METTL9: variants seen among roughly 807,000 people sequenced by gnomAD.
METTL9 encodes the protein methyltransferase 9, His-X-His N1(pi)-histidine.
In METTL9, 10 loss-of-function variants were observed where a neutral mutation model predicts 36.0. That is an observed-to-expected ratio of 0.28 (90% confidence interval 0.17 to 0.47). The LOEUF (loss-of-function observed/expected upper bound fraction) is 0.47. Among genes scored for constraint, METTL9 ranks in the 20% least tolerant of loss-of-function variants. The pLI is 0.99. For synonymous variants in METTL9, 175 were observed against 149.7 expected (o/e 1.17, Z -1.23); for missense variants, 246 against 383.5 (o/e 0.64, Z 3.00).
At chr16:21,604,169 A>G (rs1965213809) in intron 1 of METTL9, among the ~76,000 whole-genome samples, 1 of 152,180 alleles carries the variant, frequency 6.6e-6, no homozygotes, top group African/African-American at 2.4e-5. Context: ...ACTGCCTTCG[A>G]GAGTCTGGAG....
chr16:21,624,729 A>C (rs1049190726), intron 3 of METTL9, among the ~76,000 whole-genome samples: 1 of 151,914 alleles, frequency 6.6e-6, no homozygotes, highest in African/African-American at 2.4e-5. Flanking sequence ...TGTGTCTCAA[A>C]AAAGAAAAAA....
chr16:21,604,587 G>C (rs1965222995), intron 1 of METTL9, among the ~76,000 whole-genome samples: 1 of 152,158 alleles, frequency 6.6e-6, no homozygotes, highest in South Asian at 2.1e-4. Context: ...TTATTGGGTT[G>C]AGTTTATATT....
intron 4 of METTL9, among the ~76,000 whole-genome samples, chr16:21,628,077 T>C (rs1226115881): frequency 6.6e-6 from 1 of 152,244 alleles, no homozygotes; most frequent in African/African-American, 2.4e-5. Context: ...TTAAAAAAAT[T>C]ATACAGGCAG....
intron 4 of METTL9, among the ~76,000 whole-genome samples, chr16:21,632,894 G>C (rs893003632): frequency 4.6e-5 from 7 of 152,164 alleles, no homozygotes; most frequent in Admixed American, 6.5e-5. Context: ...TGCTCTCTCT[G>C]TGATGTATAA....
chr16:21,644,251 A>G, intron 4 of METTL9: 1 of 1,338,570 alleles, frequency 7.5e-7, no homozygotes, highest in Non-Finnish European at 1.1e-6. Flanking sequence ...ATAATATTCA[A>G]GGATATAGGG....
chr16:21,642,163 A>T (rs1966288938), intron 4 of METTL9: 1 of 152,194 alleles, frequency 6.6e-6, no homozygotes, highest in African/African-American at 2.4e-5. Flanking sequence ...ATATTTTTTT[A>T]AAAAGAAAAC....
At chr16:21,625,786 G>T (rs901898054) in intron 4 of METTL9, among the ~76,000 whole-genome samples, 1 of 151,986 alleles carries the variant, frequency 6.6e-6, no homozygotes, top group African/African-American at 2.4e-5. Context: ...TGCATTTTAG[G>T]TCATCTTGAA....
In METTL9 at chr16:21,655,510, G is replaced by T. The variant is rs917418935; in HGVS notation, c.*78G>T. The T allele has an allele frequency of 3.2e-6, 4 of 1,239,938 alleles. No individual in the cohort carries two copies. In the Middle Eastern group the frequency reaches 7.2e-4, roughly 223 times the overall value. The allele number at this position is 1,239,938 out of a possible 1,614,324, so 76.8% of individuals were successfully genotyped here. Reference sequence around the variant, plus strand: ...GAAGAGGGTCTGTGTTCACAATTACGTGAAGGGAGGACCCTTGGGGACCGC... The same window carrying T: ...GAAGAGGGTCTGTGTTCACAATTACTTGAAGGGAGGACCCTTGGGGACCGC... On this transcript the variant is annotated 3_prime_UTR_variant, in exon 5 of 5. Coordinates refer to ENST00000358154, the MANE Select transcript of METTL9 (RefSeq NM_016025.5).
At chr16:21,617,553 C>A (rs1195559069) in intron 2 of METTL9, among the ~76,000 whole-genome samples, 3 of 151,698 alleles carry the variant, frequency 2.0e-5, no homozygotes, top group African/African-American at 7.3e-5. Flanking sequence ...CATGGTGAAA[C>A]CCTGTCTCCA....
chr16:21,622,852 T>A (rs892499480), intron 3 of METTL9, among the ~76,000 whole-genome samples: 1 of 152,236 alleles, frequency 6.6e-6, no homozygotes. Context: ...AACATGCTGA[T>A]GATGTTTGGC....
At chr16:21,620,512 C>A (rs1295305389) in intron 3 of METTL9, among the ~76,000 whole-genome samples, 2 of 152,154 alleles carry the variant, frequency 1.3e-5, no homozygotes, top group African/African-American at 4.8e-5. Context: ...GATTGACCGC[C>A]CCAGCCTTCT....
At chr16:21,652,641 A>T (rs1303074540) in intron 4 of METTL9, 1 of 1,512,190 alleles carries the variant, frequency 6.6e-7, no homozygotes, top group African/African-American at 1.4e-5. Flanking sequence ...ATTTGAAAGG[A>T]AAGTTGGCTT....
intron 4 of METTL9, 97 bp downstream of exon 4, chr16:21,625,212 C>A: frequency 7.6e-7 from 1 of 1,315,714 alleles, no homozygotes; most frequent in Non-Finnish European, 1.1e-6. Flanking sequence ...TCTAGTATGT[C>A]TTATAATAGC....
upstream of METTL9, among the ~76,000 whole-genome samples, chr16:21,597,520 A>C (rs979856671): frequency 1.3e-4 from 20 of 152,320 alleles, no homozygotes; most frequent in African/African-American, 4.6e-4. Flanking sequence ...GTGGCAGTCA[A>C]CTGACCCCAA....
At chr16:21,627,169 T>G in intron 4 of METTL9, 1 of 985,394 alleles carries the variant, frequency 1.0e-6, no homozygotes, top group South Asian at 4.7e-5. Context: ...AGTCACTAAT[T>G]AGATCCTGAT....
upstream of METTL9, chr16:21,599,541 G>A (rs924560285): frequency 2.3e-6 from 3 of 1,277,852 alleles, no homozygotes; most frequent in Admixed American, 8.7e-5. This position sits in a 1 kb window ranked among gnomAD's most constrained non-coding sequence, Gnocchi z 4.4. Flanking sequence ...GGCCGGAAGG[G>A]AAGGGGGAGG....
At chr16:21,651,976 TC>T (rs1346594940) in intron 4 of METTL9, 1 of 152,034 alleles carries the variant, frequency 6.6e-6, no homozygotes. Context: ...TTAAGAACTT[TC>T]CCCCCTTCCC....
intron 4 of METTL9, among the ~76,000 whole-genome samples, chr16:21,648,099 G>A (rs983011131): frequency 1.1e-4 from 16 of 152,170 alleles, no homozygotes; most frequent in Non-Finnish European, 1.3e-4. Context: ...ATGCAGCCCT[G>A]GCTTAGCCTA....
At position 21,655,604 on chromosome 16, in the gene METTL9, A is replaced by G. The variant is rs1186989084; in HGVS notation, c.*172A>G. The G allele has an allele frequency of 3.3e-6, 2 of 602,438 alleles. No homozygotes were observed. Among genetic ancestry groups the G allele is most frequent in the East Asian group, 5.8e-5 (2 of 34,230 alleles). 37.3% of individuals were successfully genotyped at this position (602,438 alleles called of 1,614,324 possible). ...TTATTTCTTTGTAGTGTGTAAAGGA[A>G]TGTTTTTAAAAGACAAAAACCCAAC... is the stretch of plus-strand genomic sequence containing the variant. On this transcript the variant is annotated 3_prime_UTR_variant, in exon 5 of 5. Coordinates refer to ENST00000358154, the MANE Select transcript of METTL9 (RefSeq NM_016025.5).
Sources: allele counts gnomAD v4.1 joint callset (sites outside exome capture counted in the v4.1 genomes callset), GRCh38; gene constraint gnomAD v4.1.1; non-coding constraint Gnocchi (gnomAD v3.1); transcripts MANE v1.5; gene names NCBI Gene and HGNC (gene_info 2026-07-23, HGNC 2026-07-21).